The following SNX31 variants were observed in gnomAD, a reference collection of about 807,000 sequenced individuals.
SNX31 encodes the protein sorting nexin-31.
In SNX31, 58 loss-of-function variants were observed where a neutral mutation model predicts 65.4. That is an observed-to-expected ratio of 0.89 (90% CI 0.72 to 1.10). The LOEUF is 1.10. Ranked by LOEUF, SNX31 falls within the 50% of genes least tolerant of loss-of-function variation. The pLI is 0.00. For missense variants in SNX31, 523 were observed against 529.7 expected (o/e 0.99, Z 0.12); for synonymous variants, 181 against 190.1 (o/e 0.95, Z 0.39).
Position 100,648,445 on chromosome 8 carries a change from G to C in SNX31, c.141+829C>G, listed in dbSNP as rs941196609. On this transcript the variant is annotated intron_variant, in intron 2 of 13. Coordinates refer to ENST00000311812, the MANE Select transcript of SNX31 (RefSeq NM_152628.4). The surrounding 1 kb of genome is among the most constrained non-coding windows in gnomAD (Gnocchi z 4.3). ...CCCAAAGTATTGGGATTACAAGCAT[G>C]AGCCACGGTGCCTGGCCTATACTTT... 6.6e-6 allele frequency among the ~76,000 whole-genome samples: 1 copy of C among 151,392 alleles called. No individual in the cohort carries two copies. Among genetic ancestry groups the C allele is most frequent in the African/African-American group, 2.4e-5 (1 of 41,108 alleles).
In SNX31 at chr8:100,617,659, G is replaced by C; in HGVS notation, c.393C>G (p.Ile131Met). ...IFLPNEQSIR[I>M]EIITSDTAER... ...CAGCAGTGTCTGATGTTATAATTTC[G>C]ATTCTAATACTCTGTTCATTGGGCA... The change falls in exon 5 of 14, where the codon ATC (isoleucine) becomes ATG (methionine). Residue 131 changes from isoleucine to methionine, a missense_variant. Coordinates refer to ENST00000311812, the MANE Select transcript of SNX31 (RefSeq NM_152628.4). 1.9e-6 allele frequency: 3 copies of C among 1,613,166 alleles called. No homozygotes were observed. The highest frequency in any genetic ancestry group is 2.5e-6 in the Non-Finnish European group (3 of 1,179,622).
chr8:100,654,217 C>T (rs1330734322), upstream of SNX31, among the ~76,000 whole-genome samples: 4 of 151,898 alleles, frequency 2.6e-5, no homozygotes, highest in Non-Finnish European at 4.4e-5. Flanking sequence ...CCCATGTTGC[C>T]CAGGCCAGTC....
At chr8:100,615,640 C>T (rs904195951) in intron 5 of SNX31, among the ~76,000 whole-genome samples, 4 of 152,186 alleles carry the variant, frequency 2.6e-5, no homozygotes, top group South Asian at 2.1e-4. Flanking sequence ...CGGTATGGCC[C>T]GCTGTTCCCA....
chr8:100,597,785 A>G (rs746055213), intron 9 of SNX31, among the ~76,000 whole-genome samples: 2 of 152,334 alleles, frequency 1.3e-5, no homozygotes, highest in Non-Finnish European at 2.9e-5. Context: ...AGAACTGAGG[A>G]CAGTTGCATT....
Position 100,622,650 on chromosome 8 carries a change from CA to C in SNX31, c.322-4921del. On this transcript the variant is annotated intron_variant, in intron 4 of 13. Coordinates refer to ENST00000311812, the MANE Select transcript of SNX31 (RefSeq NM_152628.4). The surrounding 1 kb of genome is among the most constrained non-coding windows in gnomAD (Gnocchi z 5.0). ...TGGGTGACAGAGCAAGACTCCCTCT[CA>C]AAAAATAAATAAGTAAATAAATAAA... Among the ~76,000 whole-genome samples the C allele has an allele frequency of 6.7e-6, 1 of 148,862 alleles. No homozygotes were observed. The highest frequency in any genetic ancestry group is 1.5e-5 in the Non-Finnish European group (1 of 67,426).
rs1488676782 is a variant in SNX31, at chr8:100,630,283, T to C, written c.321+44A>G. On this transcript the variant is annotated intron_variant, in intron 4 of 13. Transcript: ENST00000311812. The surrounding 1 kb of genome is among the most constrained non-coding windows in gnomAD (Gnocchi z 5.3). ...CTGCACACTTGGTTCATGAAGAGTG[T>C]CCTGCAGAGGAATGATGGCCCCATT... 1 of 1,586,026 alleles carries C rather than the reference T, an allele frequency of 6.3e-7. No homozygotes were observed. The highest frequency in any genetic ancestry group is 8.7e-7 in the Non-Finnish European group (1 of 1,155,326).
chr8:100,655,232 G>A, intron 1 of SNX31, among the ~76,000 whole-genome samples: 1 of 152,288 alleles, frequency 6.6e-6, no homozygotes, highest in African/African-American at 2.4e-5. Flanking sequence ...TTCTGGAGAA[G>A]GTGATGTTTG....
chr8:100,642,726 G>A (rs1266665930), intron 2 of SNX31, among the ~76,000 whole-genome samples: 3 of 152,226 alleles, frequency 2.0e-5, no homozygotes, highest in South Asian at 2.1e-4. Flanking sequence ...AACCACCAGC[G>A]TACTGAGAAG....
chr8:100,642,325 T>C (rs1242645145), intron 2 of SNX31, among the ~76,000 whole-genome samples: 3 of 151,742 alleles, frequency 2.0e-5, no homozygotes, highest in African/African-American at 7.3e-5. Flanking sequence ...TAAAAGGCCA[T>C]TGTCTTCATT....
At chr8:100,611,202 A>G (rs552710160) in intron 7 of SNX31, among the ~76,000 whole-genome samples, 1 of 152,224 alleles carries the variant, frequency 6.6e-6, no homozygotes, top group African/African-American at 2.4e-5. Flanking sequence ...GGCTGAATCC[A>G]CCCTTCACCT....
rs1330316859 is a variant in SNX31, at chr8:100,581,333, C to CTATATATA, written c.1170+2777_1170+2778insTATATATA. 3.3e-4 allele frequency among the ~76,000 whole-genome samples: 45 copies of CTATATATA among 137,198 alleles called. 2 individuals carry two copies. Among genetic ancestry groups the CTATATATA allele is most frequent in the African/African-American group, 1.2e-3 (40 of 32,670 alleles). 90.0% of individuals were successfully genotyped at this position (137,198 alleles called of 152,430 possible). A position where few individuals can be genotyped will look rare whatever the true frequency, so the allele number is the denominator to read the frequency against. ...TTTTTATATATCTATATCTATCTAT[C>CTATATATA]TATCTATATATATATATATATATAA... On this transcript the variant is annotated intron_variant, in intron 12 of 13. Coordinates refer to ENST00000311812, the MANE Select transcript of SNX31 (RefSeq NM_152628.4).
Position 100,600,349 on chromosome 8 carries a change from C to T in SNX31, c.774G>A (p.Lys258=). The T allele has an allele frequency of 6.2e-7, 1 of 1,612,548 alleles. No homozygotes were observed. The highest frequency in any genetic ancestry group is 8.5e-7 in the Non-Finnish European group (1 of 1,178,962). Residue 258 remains lysine (K), a splice_region_variant and synonymous_variant, in exon 9 of 14, where the codon AAG becomes AAA. Transcript: ENST00000311812. ...TCTCTTGGAGCAATATTTGATTCAC[C>T]TTTGTTTGACTGTCTTCTTTCTGGA... ...EAFQKEDSQT[K]FLELAREVRH...
intron 11 of SNX31, among the ~76,000 whole-genome samples, chr8:100,584,953 G>C (rs1813904636): frequency 6.6e-6 from 1 of 151,876 alleles, no homozygotes; most frequent in Non-Finnish European, 1.5e-5. Flanking sequence ...TCAAATTCCT[G>C]ACCTCAAGTG....
At chr8:100,595,617 A>T (rs1563527274) in intron 10 of SNX31, among the ~76,000 whole-genome samples, 1 of 152,206 alleles carries the variant, frequency 6.6e-6, no homozygotes, top group Non-Finnish European at 1.5e-5. Flanking sequence ...GAAAAGTCAG[A>T]GATAACTTCA....
intron 12 of SNX31, among the ~76,000 whole-genome samples, chr8:100,581,319 CTA>C (rs1261112864): frequency 1.6e-5 from 2 of 123,076 alleles, no homozygotes; most frequent in African/African-American, 7.8e-5. Context: ...TTTTATATAT[CTA>C]TATCTATCTA....
chr8:100,660,929 T>C lies in SNX31; in HGVS notation c.-58+2213A>G, dbSNP rs931168198. Among the ~76,000 whole-genome samples, 14 of 152,116 alleles carry C rather than the reference T, an allele frequency of 9.2e-5. No homozygotes were observed. Among genetic ancestry groups the C allele is most frequent in the African/African-American group, 3.1e-4 (13 of 41,418 alleles). On this transcript the variant is annotated intron_variant, in intron 1 of 5. Transcript: ENST00000520352. This position sits in a 1 kb window ranked among gnomAD's most constrained non-coding sequence, Gnocchi z 4.1. ...GGATCATCCCTTTATATTTTCCTCA[T>C]GCCATACAGTTTTTAGGAGCATTCT...
In SNX31 at chr8:100,629,831, G is replaced by C. The variant is rs1818298853; in HGVS notation, c.321+496C>G. On this transcript the variant is annotated intron_variant, in intron 4 of 13. Coordinates refer to ENST00000311812, the MANE Select transcript of SNX31 (RefSeq NM_152628.4). This position sits in a 1 kb window ranked among gnomAD's most constrained non-coding sequence, Gnocchi z 5.1. ...AAAGGGAGTTGCTGTATGTCATTCT[G>C]TTCATGTTGAATTTTCTCCATGATT... 6.6e-6 allele frequency among the ~76,000 whole-genome samples: 1 copy of C among 152,196 alleles called. No individual in the cohort carries two copies. The highest frequency in any genetic ancestry group is 6.5e-5 in the Admixed American group (1 of 15,270).
intron 4 of SNX31, chr8:100,618,226 T>A: frequency 7.0e-7 from 1 of 1,433,596 alleles, no homozygotes; most frequent in Non-Finnish European, 9.3e-7. Context: ...GGCAAAGGAG[T>A]AACATGAAGC....
chr8:100,624,769 T>C (rs752640583), intron 4 of SNX31, among the ~76,000 whole-genome samples: 3 of 152,198 alleles, frequency 2.0e-5, no homozygotes, highest in Non-Finnish European at 2.9e-5. Context: ...AATTGGCTTG[T>C]ATAAAAAAAC....
Sources: gnomAD v4.1 joint callset for allele counts (sites outside exome capture counted in the v4.1 genomes callset) on GRCh38, gnomAD v4.1.1 for gene constraint, Gnocchi (gnomAD v3.1) non-coding constraint, MANE v1.5 for transcripts, NCBI Gene and HGNC (gene_info 2026-07-23, HGNC 2026-07-21) for gene names.